CACNA2D3: variants seen among roughly 807,000 people sequenced by gnomAD.
The protein encoded by CACNA2D3 is voltage-dependent calcium channel subunit alpha-2/delta-3.
A neutral mutation model predicts 160.6 loss-of-function variants in CACNA2D3; 60 were observed. The observed-to-expected ratio is 0.37, with a 90% CI of 0.30 to 0.46. The LOEUF is 0.46. CACNA2D3 is among the 20% of genes least tolerant of loss of function. The pLI is 1.00. For missense variants in CACNA2D3, 1,205 were observed against 1,365.0 expected, an observed-to-expected ratio of 0.88 and a Z score of 1.85; for synonymous variants, 558 against 492.9, an observed-to-expected ratio of 1.13 and a Z score of -1.75.
chr3:54,846,809 C>T (rs1329131204), intron 17 of CACNA2D3, among the ~76,000 whole-genome samples: 2 of 152,160 alleles, frequency 1.3e-5, no homozygotes, highest in East Asian at 3.9e-4. Context: ...TACATGGACA[C>T]TCATACTCCA....
At chr3:54,411,741 T>A (rs1311306126) in intron 4 of CACNA2D3, among the ~76,000 whole-genome samples, 2 of 152,182 alleles carry the variant, frequency 1.3e-5, no homozygotes, top group African/African-American at 2.4e-5. Context: ...GGTATGCCCA[T>A]ATTCACTGAA....
intron 2 of CACNA2D3, among the ~76,000 whole-genome samples, chr3:54,146,377 A>G (rs1171838673): frequency 6.6e-6 from 1 of 152,226 alleles, no homozygotes; most frequent in Non-Finnish European, 1.5e-5. Flanking sequence ...ATCCACGGAT[A>G]GTGGGGACAA....
chr3:54,678,003 C>CGG (rs1700275202), intron 11 of CACNA2D3, among the ~76,000 whole-genome samples: 1 of 151,880 alleles, frequency 6.6e-6, no homozygotes, highest in Non-Finnish European at 1.5e-5. Flanking sequence ...ACAAAAATGT[C>CGG]GATTATTTTA....
intron 4 of CACNA2D3, among the ~76,000 whole-genome samples, chr3:54,494,336 T>C (rs1701169293): frequency 6.6e-6 from 1 of 151,992 alleles, no homozygotes; most frequent in Non-Finnish European, 1.5e-5. Context: ...GACAAATGGG[T>C]TTGGGGAGGA....
At position 54,547,874 on chromosome 3, in the gene CACNA2D3, T is replaced by C. The variant is rs551780994; in HGVS notation, c.545-14926T>C. ...TAGTTTTCTAAACAATAATAATAAA[T>C]GCAGACATGGAGTCTTGCTATATTA... On this transcript the variant is annotated intron_variant, in intron 5 of 37. Transcript: ENST00000474759. Among the ~76,000 whole-genome samples the C allele has an allele frequency of 6.6e-5, 10 of 152,088 alleles. 1 individual carries two copies. Among genetic ancestry groups the C allele is most frequent in the African/African-American group, 2.4e-4 (10 of 41,512 alleles).
intron 2 of CACNA2D3, among the ~76,000 whole-genome samples, chr3:54,242,057 A>G (rs1448053845): frequency 5.9e-5 from 9 of 152,200 alleles, no homozygotes; most frequent in African/African-American, 1.9e-4. Context: ...TTTCCTATAC[A>G]TACATACATA....
intron 11 of CACNA2D3, among the ~76,000 whole-genome samples, chr3:54,664,118 A>C (rs910426987): frequency 6.6e-6 from 1 of 152,250 alleles, no homozygotes; most frequent in African/African-American, 2.4e-5. Flanking sequence ...AAGAGGTTGC[A>C]TCCCCAAGGG....
intron 2 of CACNA2D3, among the ~76,000 whole-genome samples, chr3:54,221,706 G>A (rs749543242): frequency 6.6e-6 from 1 of 152,114 alleles, no homozygotes. Flanking sequence ...TATAACGTAT[G>A]TACCTTGTCC....
At chr3:54,435,563 A>G (rs747007648) in intron 4 of CACNA2D3, among the ~76,000 whole-genome samples, 70 of 152,194 alleles carry the variant, frequency 4.6e-4, no homozygotes, top group Non-Finnish European at 7.4e-4. Context: ...GTGGGAAGCT[A>G]ACGTACACTC....
At chr3:54,647,047 A>G (rs893528984) in intron 11 of CACNA2D3, among the ~76,000 whole-genome samples, 2 of 152,214 alleles carry the variant, frequency 1.3e-5, no homozygotes, top group Non-Finnish European at 1.5e-5. Flanking sequence ...TCAGTCTTAC[A>G]GCAAAAAGAA....
chr3:55,026,345 A>T (rs538027688), intron 35 of CACNA2D3, among the ~76,000 whole-genome samples: 35 of 152,344 alleles, frequency 2.3e-4, no homozygotes, highest in African/African-American at 8.2e-4. Flanking sequence ...GGACTTGAGT[A>T]AACATTTCTT....
intron 3 of CACNA2D3, among the ~76,000 whole-genome samples, chr3:54,347,752 C>G (rs1478670743): frequency 6.6e-6 from 1 of 151,972 alleles, no homozygotes; most frequent in Non-Finnish European, 1.5e-5. Context: ...TAAGATGATT[C>G]CAGGCTCCTC....
chr3:54,743,805 C>T (rs989150837), intron 11 of CACNA2D3, among the ~76,000 whole-genome samples: 2 of 152,154 alleles, frequency 1.3e-5, no homozygotes, highest in African/African-American at 4.8e-5. Flanking sequence ...GGCTTCTGAG[C>T]CATAAAAATC....
chr3:54,986,409 A>G (rs1292708523), intron 30 of CACNA2D3, among the ~76,000 whole-genome samples: 1 of 152,186 alleles, frequency 6.6e-6, no homozygotes, highest in Non-Finnish European at 1.5e-5. Context: ...AGTTTCATTG[A>G]AACTGGCACA....
At chr3:54,287,000 T>C (rs1703046486) in intron 2 of CACNA2D3, among the ~76,000 whole-genome samples, 1 of 152,138 alleles carries the variant, frequency 6.6e-6, no homozygotes, top group Admixed American at 6.5e-5. Flanking sequence ...CCATCAAGGC[T>C]AGGAAGAAAC....
intron 30 of CACNA2D3, 27 bp from the exon 31 acceptor site, chr3:54,987,656 C>T (rs59582824): frequency 6.7e-7 from 1 of 1,491,780 alleles, no homozygotes; most frequent in Non-Finnish European, 9.2e-7. Flanking sequence ...TTTATCTACA[C>T]CTCCTCATAT....
intron 9 of CACNA2D3, among the ~76,000 whole-genome samples, chr3:54,618,374 T>TATATATATATACAC: frequency 9.2e-5 from 5 of 54,568 alleles, no homozygotes; most frequent in African/African-American, 3.4e-4. Context: ...TATATATATA[T>TATATATATATACAC]GCACACACAC....
At position 54,616,796 on chromosome 3, in the gene CACNA2D3, T is replaced by C. The variant is rs1448849941; in HGVS notation, c.964-10991T>C. 3.3e-5 allele frequency among the ~76,000 whole-genome samples: 5 copies of C among 152,220 alleles called. No individual in the cohort carries two copies. The East Asian group carries it at 7.7e-4, about 23-fold the overall frequency. ...TTAGCTGTGAGACCTAGTCAAGTGATGTGAATTCATTCTCTCATTCTTAAA... is the reference window on the plus strand; with the variant it reads ...TTAGCTGTGAGACCTAGTCAAGTGACGTGAATTCATTCTCTCATTCTTAAA... On this transcript the variant is annotated intron_variant, in intron 9 of 37. Coordinates refer to ENST00000474759, the MANE Select transcript of CACNA2D3 (RefSeq NM_018398.3).
At chr3:54,401,270 T>G (rs1321265161) in intron 4 of CACNA2D3, among the ~76,000 whole-genome samples, 1 of 152,106 alleles carries the variant, frequency 6.6e-6, no homozygotes, top group African/African-American at 2.4e-5. Context: ...TGAACAAAGA[T>G]TCATATTAGG....
Sources: allele counts gnomAD v4.1 joint callset (sites outside exome capture counted in the v4.1 genomes callset), GRCh38; gene constraint gnomAD v4.1.1; transcripts MANE v1.5; gene names NCBI Gene and HGNC (gene_info 2026-07-23, HGNC 2026-07-21).